The following GON4L variants were observed in gnomAD, a reference collection of about 807,000 sequenced individuals.
GON4L encodes the protein GON-4-like protein.
A neutral mutation model predicts 211.8 loss-of-function variants in GON4L; 87 were observed. The ratio of observed to expected loss-of-function variants is 0.41; its 90% CI spans 0.35 to 0.49. GON4L has a LOEUF of 0.49. Ranked by LOEUF, GON4L falls within the 20% of genes least tolerant of loss-of-function variation. The probability of loss-of-function intolerance (pLI) is 0.15; values close to 1 mark genes in which losing one functional copy is unlikely to be tolerated. For missense variants in GON4L, 2,155 were observed against 2,659.5 expected (o/e 0.81, Z 4.17); for synonymous variants, 875 against 962.6 (o/e 0.91, Z 1.68).
intron 15 of GON4L, 70 bp downstream of exon 15, chr1:155,777,552 C>T (rs1022386093): frequency 5.1e-6 from 6 of 1,175,024 alleles, no homozygotes; most frequent in Non-Finnish European, 7.7e-6. Flanking sequence ...GCACTCCAGG[C>T]TGGGAGACAG....
At position 155,798,520 on chromosome 1, in the gene GON4L, C is replaced by T. The variant is rs373195939; in HGVS notation, c.1646-3369G>A. On this transcript the variant is annotated intron_variant, in intron 11 of 31. Coordinates refer to ENST00000368331, the MANE Select transcript of GON4L (RefSeq NM_001282860.2). ...TGCCTCCCGGGTTCACGCCATTCTC[C>T]TGCCTCAGCCTCCCAAGTAGCTGGG... Among the ~76,000 whole-genome samples, 89 of 149,796 alleles carry T rather than the reference C, an allele frequency of 5.9e-4. 1 individual carries two copies. The highest frequency in any genetic ancestry group is 2.0e-3 in the African/African-American group (83 of 40,810).
chr1:155,806,149 G>A (rs77111280), intron 10 of GON4L, among the ~76,000 whole-genome samples: 2,329 of 151,198 alleles, frequency 0.015, 50 homozygotes, highest in African/African-American at 0.053. Flanking sequence ...TACCATGCTC[G>A]GCTAATTTTT....
At position 155,762,362 on chromosome 1, in the gene GON4L, T is replaced by C. The variant is rs1661901891; in HGVS notation, c.4739A>G (p.Lys1580Arg). Residue 1580 changes from lysine to arginine, a missense_variant, in exon 23 of 32, where the codon AAA (lysine) becomes AGA (arginine). Physicochemically the swap from Lys to Arg is conservative, Grantham distance 26. This residue lies in a region of GON4L where 455 missense variants were observed against 504.6 expected (regional missense o/e 0.90). Coordinates refer to ENST00000368331, the MANE Select transcript of GON4L (RefSeq NM_001282860.2). ...TSRTPPGESI[K>R]AAGKGRNNHR... is the part of the protein sequence containing the mutation. ...ATTGTTCCGGCCTTTTCCAGCAGCT[T>C]TGATGCTCTCTCCTTGTAGCACACA... is the stretch of plus-strand genomic sequence containing the variant. 2.5e-6 allele frequency: 4 copies of C among 1,611,002 alleles called. No individual in the cohort carries two copies. The highest frequency in any genetic ancestry group is 3.4e-6 in the Non-Finnish European group (4 of 1,177,508).
chr1:155,792,830 C>A (rs568455093), intron 12 of GON4L, among the ~76,000 whole-genome samples: 1 of 152,108 alleles, frequency 6.6e-6, no homozygotes, highest in African/African-American at 2.4e-5. Flanking sequence ...GATCTCTGCT[C>A]GCTACAGCCT....
At position 155,822,391 on chromosome 1, in the gene GON4L, C is replaced by T. The variant is rs140686332; in HGVS notation, c.783G>A (p.Gly261=). ...KRKRDGRGQE[G]TLAYDLKLDD... Reference sequence around the variant, plus strand: ...CCAGTTTCAGGTCATATGCCAAGGTCCCTTCTTGACCCCTTCCATCTCGTT... The same window carrying T: ...CCAGTTTCAGGTCATATGCCAAGGTTCCTTCTTGACCCCTTCCATCTCGTT... The change falls in exon 4 of 32, where the codon GGG becomes GGA. Residue 261 remains glycine (G), a synonymous_variant. Transcript: ENST00000368331. The T allele has an allele frequency of 3.2e-5, 51 of 1,613,502 alleles. No individual in the cohort carries two copies. In the East Asian group the frequency reaches 1.0e-3, roughly 32 times the overall value.
chr1:155,787,609 C>T (rs1461247078), intron 12 of GON4L, among the ~76,000 whole-genome samples: 1 of 152,078 alleles, frequency 6.6e-6, no homozygotes, highest in Non-Finnish European at 1.5e-5. Context: ...CCCGTCTCTA[C>T]TAAAAATACA....
chr1:155,771,312 T>G, intron 18 of GON4L, 95 bp from the exon 19 acceptor site: 1 of 1,559,004 alleles, frequency 6.4e-7, no homozygotes, highest in South Asian at 1.1e-5. Flanking sequence ...CTCTTTCATT[T>G]TTTTCTTGAG....
intron 2 of GON4L, among the ~76,000 whole-genome samples, chr1:155,841,406 C>A (rs1462467085): frequency 1.3e-5 from 2 of 152,166 alleles, no homozygotes. Context: ...AATAGCTGAA[C>A]AAAATGTTTG....
intron 2 of GON4L, among the ~76,000 whole-genome samples, chr1:155,839,001 C>T (rs1670551287): frequency 6.6e-6 from 1 of 151,702 alleles, no homozygotes; most frequent in African/African-American, 2.4e-5. Context: ...CTATAAAATG[C>T]TAATATCTGA....
In GON4L at chr1:155,826,566, CA is replaced by C. The variant is rs58848983; in HGVS notation, c.697+270del. Among the ~76,000 whole-genome samples, 306 of 63,792 alleles carry C rather than the reference CA, an allele frequency of 4.8e-3. No homozygotes were observed. The Middle Eastern group carries it at 0.052, about 11-fold the overall frequency. The allele number at this position is 63,792 out of a possible 152,430, so 41.9% of individuals were successfully genotyped here. On this transcript the variant is annotated intron_variant, in intron 3 of 31. Transcript: ENST00000368331. The stretch of plus-strand genomic sequence containing the variant: ...GGGCGACAAGAACAAAACTCCGTCT[CA>C]AAAAAAAAAAAAAAAAAATTGAACC...
At chr1:155,846,884 G>A (rs926575584) in intron 2 of GON4L, among the ~76,000 whole-genome samples, 11 of 151,938 alleles carry the variant, frequency 7.2e-5, no homozygotes, top group African/African-American at 2.4e-4. Context: ...GGTGGCACAC[G>A]GCTGTAGTCC....
chr1:155,751,887 T>C lies in GON4L; in HGVS notation c.6474-18A>G, dbSNP rs3863762. 1.8e-3 allele frequency: 2,872 copies of C among 1,612,108 alleles called. 53 individuals are homozygous for C. The African/African-American group carries it at 0.034, about 19-fold the overall frequency. On this transcript the variant is annotated intron_variant, in intron 30 of 31. Transcript: ENST00000368331. ...CAGCTTCCCTGTAACCCAGGTATCA[T>C]GATTAACCCTAGGGAGCCACATGGA...
At chr1:155,853,988 A>G (rs1672041306) in intron 1 of GON4L, among the ~76,000 whole-genome samples, 182 bp from the exon 2 acceptor site, 1 of 152,184 alleles carries the variant, frequency 6.6e-6, no homozygotes, top group African/African-American at 2.4e-5. Context: ...TCTCAACTCT[A>G]CTGATTACTA....
In GON4L at chr1:155,767,465, G is replaced by A. The variant is rs1227084669; in HGVS notation, c.2723C>T (p.Pro908Leu). 1 of 1,613,148 alleles carries A rather than the reference G, an allele frequency of 6.2e-7. No homozygotes were observed. The highest frequency in any genetic ancestry group is 1.7e-5 in the Admixed American group (1 of 59,906). ...EEIQPHQWKP[P>L]IEREEHRLPF... is the part of the protein sequence containing the mutation. ...GAGCCGGTGTTCTTCTCTCTCTATA[G>A]GTGGCTTCCACTGATGTGGCTGGAT... Residue 908 changes from proline to leucine, a missense_variant, in exon 20 of 32, where the codon CCT (proline) becomes CTT (leucine). By Grantham distance (98) the Pro-to-Leu change is moderately conservative. Coordinates refer to ENST00000368331, the MANE Select transcript of GON4L (RefSeq NM_001282860.2).
In GON4L at chr1:155,805,082, A is replaced by G. The variant is rs200801519; in HGVS notation, c.1512T>C (p.Val504=). 387 of 1,613,602 alleles carry G rather than the reference A, an allele frequency of 2.4e-4. 1 individual carries two copies. The highest frequency in any genetic ancestry group is 8.2e-4 in the Middle Eastern group (5 of 6,062). Residue 504 remains valine (V), a synonymous_variant, in exon 11 of 32, where the codon GTT becomes GTC. Coordinates refer to ENST00000368331, the MANE Select transcript of GON4L (RefSeq NM_001282860.2). ...GCTCTGCCTCTAATTGGCCCAGGGG[A>G]ACATCTTTCAGGGGCATCTTAGAAC... ...RTRSKMPLKD[V]PLGQLEAELQ... is the part of the protein sequence containing the mutation.
chr1:155,774,966 A>T (rs779382422), intron 17 of GON4L, 36 bp downstream of exon 17: 129 of 1,604,148 alleles, frequency 8.0e-5, no homozygotes, highest in Non-Finnish European at 1.1e-4. Context: ...CTCTCACCGC[A>T]AGTAAAAACT....
At chr1:155,808,715 C>T (rs969440150) in intron 10 of GON4L, among the ~76,000 whole-genome samples, 27 of 152,100 alleles carry the variant, frequency 1.8e-4, no homozygotes, top group African/African-American at 6.5e-4. Flanking sequence ...CAGCCTCGAT[C>T]TCCTAGGCTC....
intron 29 of GON4L, 124 bp downstream of exon 29, chr1:155,753,080 T>C (rs1047652045): frequency 7.1e-6 from 5 of 706,934 alleles, no homozygotes; most frequent in Middle Eastern, 4.9e-4. Context: ...TATGGGTCCA[T>C]CAGTGAAAGA....
intron 2 of GON4L, among the ~76,000 whole-genome samples, chr1:155,834,631 A>T (rs1335975010): frequency 1.3e-5 from 2 of 152,228 alleles, no homozygotes; most frequent in African/African-American, 2.4e-5. Context: ...GCTAAAAGCA[A>T]GATGGTGATG....
Sources: gnomAD v4.1 joint callset for allele counts (sites outside exome capture counted in the v4.1 genomes callset) on GRCh38, gnomAD v4.1.1 for gene constraint, gnomAD v4.1.1 regional missense constraint, MANE v1.5 for transcripts, NCBI Gene and HGNC (gene_info 2026-07-23, HGNC 2026-07-21) for gene names.